Variants in APRT observed in about 807,000 individuals in gnomAD.
APRT encodes the protein AMP diphosphorylase.
APRT carries 25 observed loss-of-function variants against 21.0 expected under a neutral mutation model. The ratio of observed to expected loss-of-function variants is 1.19; its 90% CI spans 0.87 to 1.66. APRT has a LOEUF of 1.66. Ranked by LOEUF, APRT falls within the 40% of genes most tolerant of loss-of-function variation. The pLI, the probability that APRT is intolerant of heterozygous loss-of-function variation, is 0.00. For synonymous variants in APRT, 153 were observed against 109.0 expected (o/e 1.40, Z -2.52); for missense variants, 294 against 232.7 (o/e 1.26, Z -1.72).
In APRT at chr16:88,810,629, G is replaced by A; in HGVS notation, c.188-73C>T. ...GGGGCCAGGGTTGGCCGGTGGCAAGGGGTACCTGGTTGGCTCCCAGCTGAA... is the reference window on the plus strand; with the variant it reads ...GGGGCCAGGGTTGGCCGGTGGCAAGAGGTACCTGGTTGGCTCCCAGCTGAA... On this transcript the variant is annotated intron_variant, in intron 2 of 4. Transcript: ENST00000378364. The A allele has an allele frequency of 5.1e-6, 8 of 1,565,420 alleles. No homozygotes were observed. The South Asian group carries it at 5.7e-5, about 11-fold the overall frequency.
In APRT at chr16:88,810,430, T is replaced by A; in HGVS notation, c.314A>T (p.Tyr105Phe). Residue 105 changes from tyrosine (Y) to phenylalanine (F), a missense_variant, in exon 3 of 5, where the codon TAC (tyrosine) becomes TTC (phenylalanine). By Grantham distance (22) the Tyr-to-Phe change is conservative. Coordinates refer to ENST00000378364, the MANE Select transcript of APRT (RefSeq NM_000485.3). The stretch of plus-strand genomic sequence containing the variant: ...CCACCCCAGCCCTCTTACCTTCCCG[T>A]ACTCCAGGGAATAGGAGGCCCACAG... ...PTLWASYSLE[Y>F]GKAELEIQKD... 3.1e-6 allele frequency: 5 copies of A among 1,612,030 alleles called. No homozygotes were observed. The highest frequency in any genetic ancestry group is 4.2e-6 in the Non-Finnish European group (5 of 1,179,988).
chr16:88,811,672 G>C lies in APRT; in HGVS notation c.81-16C>G. The stretch of plus-strand genomic sequence containing the variant: ...CGAGATGTCCCTGGACCCAAGGACA[G>C]GCCTGGTGACGCCGGGGCCGAAGGA... On this transcript the variant is annotated splice_polypyrimidine_tract_variant and intron_variant, in intron 1 of 4. Transcript: ENST00000378364. 1 of 1,562,906 alleles carries C rather than the reference G, an allele frequency of 6.4e-7. No homozygotes were observed. The highest frequency in any genetic ancestry group is 1.2e-5 in the South Asian group (1 of 86,284).
intron 1 of APRT, 74 bp downstream of exon 1, chr16:88,811,746 G>T: frequency 6.7e-7 from 1 of 1,502,712 alleles, no homozygotes; most frequent in Middle Eastern, 2.2e-4. Context: ...CCGCCCGCCC[G>T]GAGGTCGCGG....
At position 88,809,712 on chromosome 16, in the gene APRT, GGA is replaced by G. The variant is rs781486778; in HGVS notation, c.527_528del (p.Leu176ProfsTer4). 1.7e-5 allele frequency: 27 copies of G among 1,613,296 alleles called. No homozygotes were observed. The highest frequency in any genetic ancestry group is 2.3e-5 in the Non-Finnish European group (27 of 1,180,022). ...EKLAPVPFFS[L>X]LQYE ...AGGCCCTGTGGTCACTCATACTGCA[GGA>G]GAGAGAAGAAGGGTACAGGTGCCAG... On this transcript the variant is annotated frameshift_variant, in exon 5 of 5. Coordinates refer to ENST00000378364, the MANE Select transcript of APRT (RefSeq NM_000485.3). LOFTEE classifies it high-confidence loss of function.
At position 88,809,500 on chromosome 16, in the gene APRT, C is replaced by T. The variant is rs1909018945; in HGVS notation, c.*198G>A. The stretch of plus-strand genomic sequence containing the variant: ...GAAAGCTGTTTACTGCGTTCTCCCG[C>T]TGTGTGTAATTGGGTTCAGTGTGGC... On this transcript the variant is annotated 3_prime_UTR_variant, in exon 5 of 5. Transcript: ENST00000378364. 2 of 835,242 alleles carry T rather than the reference C, an allele frequency of 2.4e-6. No homozygotes were observed. The highest frequency in any genetic ancestry group is 3.9e-6 in the Non-Finnish European group (2 of 509,200). The allele number at this position is 835,242 out of a possible 1,614,324, so 51.7% of individuals were successfully genotyped here.
chr16:88,809,864 C>G (rs1041573269), intron 4 of APRT, 24 bp from the exon 5 acceptor site: 2 of 1,608,064 alleles, frequency 1.2e-6, no homozygotes, highest in Non-Finnish European at 1.7e-6. Context: ...GGTGAGGTCC[C>G]CAGTTGGCCT....
rs540432661 is a variant in APRT at position 88,811,606 on chromosome 16, C to A, written c.131G>T (p.Gly44Val). 49 of 1,603,926 alleles carry A rather than the reference C, an allele frequency of 3.1e-5. No homozygotes were observed. Among genetic ancestry groups the A allele is most frequent in the African/African-American group, 9.4e-5 (7 of 74,790 alleles). The change falls in exon 2 of 5, where the codon GGC becomes GTC. Residue 44 changes from glycine (G) to valine (V), a missense_variant. Gly to Val is a moderately radical substitution (Grantham distance 109). Coordinates refer to ENST00000378364, the MANE Select transcript of APRT (RefSeq NM_000485.3). ...CGCCTTCAGGTGTCGCGCCAGGAGG[C>A]CGATGGCGGCGCGGAAGGAGGCGGG... ...KDPASFRAAI[G>V]LLARHLKATH...
chr16:88,809,966 C>G lies in APRT; in HGVS notation c.400+104G>C. ...AGGTGTCGGCCTGGCCACCAGGCAC[C>G]CTCTGGACAACAGTAAGCTGCATCC... On this transcript the variant is annotated intron_variant, in intron 4 of 4. Transcript: ENST00000378364. 1.9e-6 allele frequency: 3 copies of G among 1,565,414 alleles called. No individual in the cohort carries two copies. The Admixed American group carries it at 5.0e-5, about 26-fold the overall frequency.
Position 88,810,258 on chromosome 16 carries a change from C to A in APRT, c.322-110G>T, listed in dbSNP as rs8191489. The A allele has an allele frequency of 1.1e-5, 17 of 1,499,964 alleles. No individual in the cohort carries two copies. The South Asian group carries it at 1.8e-4, about 16-fold the overall frequency. The allele number at this position is 1,499,964 out of a possible 1,614,324, so 92.9% of individuals were successfully genotyped here. On this transcript the variant is annotated intron_variant, in intron 3 of 4. Transcript: ENST00000378364. ...TGACTCCAACCCCACCTTGCTGTTA[C>A]CTGGCTGTGTGAGCCCAGCCTATGT...
Position 88,811,479 on chromosome 16 carries a change from G to A in APRT, c.187+71C>T. On this transcript the variant is annotated intron_variant, in intron 2 of 4. Coordinates refer to ENST00000378364, the MANE Select transcript of APRT (RefSeq NM_000485.3). ...CAAAGGCCCTCCCCCAAGCAGACGCGCAGAGCCCACGTGCTGCCCTCGGCG... is the reference window on the plus strand; with the variant it reads ...CAAAGGCCCTCCCCCAAGCAGACGCACAGAGCCCACGTGCTGCCCTCGGCG... 3 of 1,450,882 alleles carry A rather than the reference G, an allele frequency of 2.1e-6. No individual in the cohort carries two copies. The South Asian group carries it at 3.7e-5, about 18-fold the overall frequency. 89.9% of individuals were successfully genotyped at this position (1,450,882 alleles called of 1,614,324 possible). A position where few individuals can be genotyped will look rare whatever the true frequency, so the allele number is the denominator to read the frequency against.
rs1378485013 is a variant in APRT, at chr16:88,809,550, T to A, written c.*148A>T. On this transcript the variant is annotated 3_prime_UTR_variant, in exon 5 of 5. Transcript: ENST00000378364. ...CTGAAACACAGCTTTGCCCCAGGCTTTGGCACTTCCAGCCCCAGGAGAGGC... is the reference window on the plus strand; with the variant it reads ...CTGAAACACAGCTTTGCCCCAGGCTATGGCACTTCCAGCCCCAGGAGAGGC... The A allele has an allele frequency of 4.6e-6, 6 of 1,295,692 alleles. No individual in the cohort carries two copies. In the East Asian group the frequency reaches 1.4e-4, roughly 31 times the overall value. The allele number at this position is 1,295,692 out of a possible 1,614,324, so 80.3% of individuals were successfully genotyped here.
chr16:88,810,067 T>C lies in APRT; in HGVS notation c.400+3A>G. On this transcript the variant is annotated splice_donor_region_variant and intron_variant, in intron 4 of 4. Transcript: ENST00000378364. ...CAGCAGTTGGCTGCGGGGAGACCCT[T>C]ACCACCAGTGGCCAGCAGATCATCC... 1 of 1,613,108 alleles carries C rather than the reference T, an allele frequency of 6.2e-7. No homozygotes were observed. Among genetic ancestry groups the C allele is most frequent in the Non-Finnish European group, 8.5e-7 (1 of 1,180,008 alleles).
At chr16:88,809,913 T>TTGGGGAGGGGAAGGCA in intron 4 of APRT, 73 bp from the exon 5 acceptor site, 1 of 1,590,530 alleles carries the variant, frequency 6.3e-7, no homozygotes. Context: ...AGCCCCTGGG[T>TTGGGGAGGGGAAGGCA]TGGGGAGGGG....
In APRT at chr16:88,809,726, G is replaced by T. The variant is rs1223410322; in HGVS notation, c.515C>A (p.Pro172His). The T allele has an allele frequency of 6.2e-7, 1 of 1,613,390 alleles. No homozygotes were observed. The highest frequency in any genetic ancestry group is 1.3e-5 in the African/African-American group (1 of 75,032). Residue 172 changes from proline to histidine, a missense_variant, in exon 5 of 5, where the codon CCC becomes CAC. Pro to His is a moderately conservative substitution (Grantham distance 77, BLOSUM62 -2). Coordinates refer to ENST00000378364, the MANE Select transcript of APRT (RefSeq NM_000485.3). ...CTCATACTGCAGGAGAGAGAAGAAG[G>T]GTACAGGTGCCAGCTTCTCCCTGCC... ...LKGREKLAPV[P>H]FFSLLQYE
At position 88,809,536 on chromosome 16, in the gene APRT, C is replaced by T. The variant is rs1346683245; in HGVS notation, c.*162G>A. ...TGGGTTCAGTGTGGCTGAAACACAG[C>T]TTTGCCCCAGGCTTTGGCACTTCCA... On this transcript the variant is annotated 3_prime_UTR_variant, in exon 5 of 5. Coordinates refer to ENST00000378364, the MANE Select transcript of APRT (RefSeq NM_000485.3). 18 of 1,167,272 alleles carry T rather than the reference C, an allele frequency of 1.5e-5. No homozygotes were observed. The highest frequency in any genetic ancestry group is 2.2e-5 in the Non-Finnish European group (18 of 803,800). 72.3% of individuals were successfully genotyped at this position (1,167,272 alleles called of 1,614,324 possible).
chr16:88,810,624 G>A (rs1909095971), intron 2 of APRT, 68 bp from the exon 3 acceptor site: 4 of 1,575,020 alleles, frequency 2.5e-6, no homozygotes, highest in Non-Finnish European at 3.4e-6. Flanking sequence ...TTGGCCGGTG[G>A]CAAGGGGTAC....
chr16:88,810,450 CCA>C lies in APRT; in HGVS notation c.292_293del (p.Trp98GlyfsTer11). On this transcript the variant is annotated frameshift_variant, in exon 3 of 5. Coordinates refer to ENST00000378364, the MANE Select transcript of APRT (RefSeq NM_000485.3). LOFTEE classifies it high-confidence loss of function. The part of the protein sequence containing the change: ...KRGKLPGPTL[W>X]ASYSLEYGKA... Reference sequence around the variant, plus strand: ...TCCCGTACTCCAGGGAATAGGAGGCCCACAGAGTGGGGCCTGGCAGCTTCCCC... The same window carrying C: ...TCCCGTACTCCAGGGAATAGGAGGCCCAGAGTGGGGCCTGGCAGCTTCCCC... 3 of 1,612,254 alleles carry C rather than the reference CCA, an allele frequency of 1.9e-6. No individual in the cohort carries two copies. Among genetic ancestry groups the C allele is most frequent in the Non-Finnish European group, 1.7e-6 (2 of 1,180,002 alleles).
Position 88,810,668 on chromosome 16 carries a change from G to A in APRT, c.188-112C>T, listed in dbSNP as rs147609307. 184 of 1,364,508 alleles carry A rather than the reference G, an allele frequency of 1.3e-4. 1 individual carries two copies. The African/African-American group carries it at 2.3e-3, about 17-fold the overall frequency. The allele number at this position is 1,364,508 out of a possible 1,614,324, so 84.5% of individuals were successfully genotyped here. A position where few individuals can be genotyped will look rare whatever the true frequency, so the allele number is the denominator to read the frequency against. ...CTCCCAGCTGAAAGGCCAGTGACATGCACCATTTAAGGAATGTTACCCATC... is the reference window on the plus strand; with the variant it reads ...CTCCCAGCTGAAAGGCCAGTGACATACACCATTTAAGGAATGTTACCCATC... On this transcript the variant is annotated intron_variant, in intron 2 of 4. Transcript: ENST00000378364.
chr16:88,811,511 G>A, intron 2 of APRT, 39 bp downstream of exon 2: 5 of 1,539,410 alleles, frequency 3.2e-6, no homozygotes, highest in Non-Finnish European at 4.4e-6. Context: ...GGCGCGCGCA[G>A]AGGCGGAAGC....
Sources: gnomAD v4.1 joint callset for allele counts on GRCh38, gnomAD v4.1.1 for gene constraint, MANE v1.5 for transcripts, NCBI Gene and HGNC (gene_info 2026-07-23, HGNC 2026-07-21) for gene names.